UBAP2: variants seen among roughly 807,000 people sequenced by gnomAD.
The protein encoded by UBAP2 is ubiquitin associated protein 2.
UBAP2 carries 75 observed loss-of-function variants against 139.6 expected under a neutral mutation model. The observed-to-expected ratio is 0.54, with a 90% CI of 0.45 to 0.65. The LOEUF (loss-of-function observed/expected upper bound fraction) is 0.65. Among genes scored for constraint, UBAP2 ranks in the 30% least tolerant of loss-of-function variants. The pLI is 0.00. For missense variants in UBAP2, 1,368 were observed against 1,369.6 expected, an observed-to-expected ratio of 1.00 and a Z score of 0.02; for synonymous variants, 526 against 526.2, an observed-to-expected ratio of 1.00 and a Z score of 0.01.
chr9:33,982,791 T>G (rs1013869865), intron 6 of UBAP2, among the ~76,000 whole-genome samples: 8 of 152,176 alleles, frequency 5.3e-5, no homozygotes, highest in African/African-American at 1.9e-4. Context: ...ATATCAACTT[T>G]TTCCTCAAAG....
intron 1 of UBAP2, among the ~76,000 whole-genome samples, chr9:34,043,393 C>T (rs1409993884): frequency 6.6e-6 from 1 of 152,172 alleles, no homozygotes; most frequent in Non-Finnish European, 1.5e-5. Context: ...TCTCCAACTC[C>T]TGGGCTCAAG....
At chr9:33,938,866 ATCTGTCAGGATAT>A (rs1824832876) in intron 16 of UBAP2, 10 of 449,256 alleles carry the variant, frequency 2.2e-5, no homozygotes, top group Admixed American at 4.9e-5. Flanking sequence ...TTCAGTGCCC[ATCTGTCAGGATAT>A]AGACTCTAAC....
chr9:34,038,408 A>G (rs925326972), intron 1 of UBAP2, among the ~76,000 whole-genome samples: 3 of 152,166 alleles, frequency 2.0e-5, no homozygotes, highest in South Asian at 2.1e-4. Context: ...TCGGCCTGCC[A>G]AGTGCCTGCG....
intron 6 of UBAP2, among the ~76,000 whole-genome samples, chr9:33,978,056 C>A (rs1820311647): frequency 6.8e-6 from 1 of 147,602 alleles, no homozygotes; most frequent in Non-Finnish European, 1.5e-5. Context: ...GTAATCCCAA[C>A]TTCATAAATA....
At chr9:34,008,550 C>T in intron 2 of UBAP2, among the ~76,000 whole-genome samples, 1 of 151,684 alleles carries the variant, frequency 6.6e-6, no homozygotes, top group East Asian at 1.9e-4. Flanking sequence ...TCCAGACCAG[C>T]CTGGCCAACA....
chr9:34,001,173 C>A (rs1317642473), intron 2 of UBAP2, among the ~76,000 whole-genome samples: 1 of 152,124 alleles, frequency 6.6e-6, no homozygotes, highest in Non-Finnish European at 1.5e-5. Flanking sequence ...GGAGTAATGA[C>A]AACTTGTTAT....
At position 34,044,865 on chromosome 9, in the gene UBAP2, G is replaced by GTAAA. The variant is rs557874597; in HGVS notation, c.-42+3956_-42+3959dup. On this transcript the variant is annotated intron_variant, in intron 1 of 28. Coordinates refer to ENST00000379238, the MANE Select transcript of UBAP2 (RefSeq NM_001370062.2). ...TGGGTGACAGAGCGAGACTCCATCT[G>GTAAA]TAAATAAATAAATAAATAAATGAAG... is the stretch of plus-strand genomic sequence containing the variant. Among the ~76,000 whole-genome samples, 485 of 151,836 alleles carry GTAAA rather than the reference G, an allele frequency of 3.2e-3. 1 individual carries two copies. The highest frequency in any genetic ancestry group is 0.011 in the African/African-American group (462 of 41,414).
chr9:34,010,894 T>C (rs572160709), intron 2 of UBAP2, among the ~76,000 whole-genome samples: 1 of 152,022 alleles, frequency 6.6e-6, no homozygotes, highest in Admixed American at 6.6e-5. Context: ...TATGTCAGAG[T>C]AGAAGATAAA....
intron 2 of UBAP2, among the ~76,000 whole-genome samples, chr9:34,000,513 A>G (rs750204572): frequency 6.6e-6 from 1 of 152,210 alleles, no homozygotes; most frequent in Non-Finnish European, 1.5e-5. Flanking sequence ...AACAATCTGT[A>G]TCATCTCTGT....
At chr9:34,031,068 C>T (rs1825847159) in intron 1 of UBAP2, among the ~76,000 whole-genome samples, 1 of 152,060 alleles carries the variant, frequency 6.6e-6, no homozygotes, top group South Asian at 2.1e-4. Flanking sequence ...AGGTGGGAGT[C>T]AGGAGTTTGA....
At chr9:34,031,789 CA>C (rs138160278) in intron 1 of UBAP2, among the ~76,000 whole-genome samples, 12,219 of 102,712 alleles carry the variant, frequency 0.12, 583 homozygotes, top group Non-Finnish European at 0.16. Flanking sequence ...TGTCCCAAAC[CA>C]AAAAAAAAAA....
intron 6 of UBAP2, 78 bp downstream of exon 6, chr9:33,986,682 T>C: frequency 8.6e-7 from 1 of 1,161,762 alleles, no homozygotes. Flanking sequence ...CTGCCATCCC[T>C]AGTCACAGTC....
At chr9:33,934,509 C>G (rs1473993090) in intron 17 of UBAP2, 1 of 155,664 alleles carries the variant, frequency 6.4e-6, no homozygotes, top group Non-Finnish European at 1.5e-5. Context: ...CTTACAGAGG[C>G]CTTCTTTTTA....
chr9:33,922,683 T>A lies in UBAP2; in HGVS notation c.3264+4A>T, dbSNP rs755677865. 6 of 1,560,368 alleles carry A rather than the reference T, an allele frequency of 3.8e-6. No individual in the cohort carries two copies. Among genetic ancestry groups the A allele is most frequent in the Non-Finnish European group, 5.2e-6 (6 of 1,153,788 alleles). On this transcript the variant is annotated splice_donor_region_variant and intron_variant, in intron 28 of 28. Transcript: ENST00000379238. Reference sequence around the variant, plus strand: ...AGGGTGGCTGCCTCCATCACTGTACTCACCTGTGCATCCTGCGGAAGGTGG... The same window carrying A: ...AGGGTGGCTGCCTCCATCACTGTACACACCTGTGCATCCTGCGGAAGGTGG...
At chr9:33,944,940 T>C (rs1464360803) in intron 13 of UBAP2, among the ~76,000 whole-genome samples, 3 of 152,146 alleles carry the variant, frequency 2.0e-5, no homozygotes, top group Admixed American at 6.5e-5. Context: ...AGAATCATAC[T>C]TTTATTATTT....
intron 1 of UBAP2, among the ~76,000 whole-genome samples, chr9:34,020,680 GAC>G (rs1309155311): frequency 4.9e-5 from 7 of 143,972 alleles, no homozygotes; most frequent in Non-Finnish European, 7.5e-5. Context: ...TTTTTTTTGA[GAC>G]AGAGTCTGGC....
At chr9:33,926,468 G>T in intron 22 of UBAP2, 149 bp downstream of exon 22, 2 of 854,562 alleles carry the variant, frequency 2.3e-6, no homozygotes, top group Non-Finnish European at 3.9e-6. Flanking sequence ...ACAACCGCCA[G>T]ATGAAAACAG....
intron 13 of UBAP2, among the ~76,000 whole-genome samples, chr9:33,946,143 T>C (rs1176066342): frequency 6.6e-6 from 1 of 152,260 alleles, no homozygotes; most frequent in Non-Finnish European, 1.5e-5. Context: ...TCATTTCATA[T>C]ACTTAAGTGT....
At chr9:33,960,780 C>CAA (rs375878545) in intron 10 of UBAP2, 46 bp downstream of exon 10, 2,918 of 1,300,814 alleles carry the variant, frequency 2.2e-3, no homozygotes, top group South Asian at 2.5e-3. Context: ...AATTCCATTT[C>CAA]AAAAAAAAAA....
Sources: gnomAD v4.1 joint callset for allele counts (sites outside exome capture counted in the v4.1 genomes callset) on GRCh38, gnomAD v4.1.1 for gene constraint, MANE v1.5 for transcripts, NCBI Gene and HGNC (gene_info 2026-07-23, HGNC 2026-07-21) for gene names.